SIRPD: variants seen among roughly 807,000 people sequenced by gnomAD.
The protein encoded by SIRPD is signal-regulatory protein delta.
Under a neutral mutation model 18.0 loss-of-function variants are expected in SIRPD, and 21 were observed. That is an observed-to-expected ratio of 1.17 (90% CI 0.83 to 1.68). The LOEUF (loss-of-function observed/expected upper bound fraction) is 1.68, where lower values mean the gene tolerates loss of function less well. Among genes scored for constraint, SIRPD ranks in the 40% most tolerant of loss-of-function variants. The pLI is 0.00. For missense variants in SIRPD, 295 were observed against 238.4 expected (o/e 1.24, Z -1.56); for synonymous variants, 106 against 92.9 (o/e 1.14, Z -0.81).
At chr20:1,549,178 A>C (rs991454108) in intron 2 of SIRPD, among the ~76,000 whole-genome samples, 1 of 151,954 alleles carries the variant, frequency 6.6e-6, no homozygotes, top group African/African-American at 2.4e-5. Flanking sequence ...TAAAATTTCC[A>C]TTTGGTTCTT....
intron 2 of SIRPD, among the ~76,000 whole-genome samples, chr20:1,537,781 C>T (rs1287464083): frequency 1.3e-5 from 2 of 152,286 alleles, no homozygotes; most frequent in South Asian, 2.1e-4. Context: ...CTTCAAAGTA[C>T]GCTTACAGGG....
chr20:1,556,136 C>T (rs2091040390), intron 1 of SIRPD, among the ~76,000 whole-genome samples: 1 of 152,158 alleles, frequency 6.6e-6, no homozygotes, highest in African/African-American at 2.4e-5. Flanking sequence ...ACCTAACATA[C>T]TCAAGGGGGA....
intron 1 of SIRPD, among the ~76,000 whole-genome samples, chr20:1,554,936 C>G (rs769713483): frequency 6.6e-6 from 1 of 152,174 alleles, no homozygotes; most frequent in Admixed American, 6.5e-5. Flanking sequence ...TACTTAATTG[C>G]TCTTGTGTAT....
chr20:1,553,165 CTT>C (rs758658448), intron 1 of SIRPD, among the ~76,000 whole-genome samples: 3 of 152,176 alleles, frequency 2.0e-5, no homozygotes, highest in Non-Finnish European at 2.9e-5. Context: ...GCAAAAAAGA[CTT>C]TGGAGAGATT....
chr20:1,534,592 C>T, intron 3 of SIRPD, 151 bp from the exon 4 acceptor site: 2 of 697,738 alleles, frequency 2.9e-6, no homozygotes, highest in African/African-American at 1.8e-5. Context: ...GGCGCTCCCA[C>T]ATACTGCTGG....
At chr20:1,535,913 T>C (rs1017670689) in intron 3 of SIRPD, among the ~76,000 whole-genome samples, 2 of 152,204 alleles carry the variant, frequency 1.3e-5, no homozygotes. Flanking sequence ...TTCTGTGAAA[T>C]GGGCTTTCCA....
chr20:1,538,293 A>T (rs55723936), intron 2 of SIRPD, among the ~76,000 whole-genome samples: 8,100 of 152,262 alleles, frequency 0.053, 307 homozygotes, highest in Middle Eastern at 0.089. Context: ...CTGTAGCATG[A>T]TGAGTGTCCC....
chr20:1,554,127 C>T (rs566228426), intron 1 of SIRPD: 79 of 152,716 alleles, frequency 5.2e-4, no homozygotes, highest in African/African-American at 1.8e-3. Context: ...AAGTGGCTTC[C>T]ATTGCAACTA....
chr20:1,541,517 C>T (rs902652536), intron 2 of SIRPD, among the ~76,000 whole-genome samples: 2 of 152,062 alleles, frequency 1.3e-5, no homozygotes, highest in African/African-American at 4.8e-5. Flanking sequence ...TGTTCATGTT[C>T]CTTGTAGATT....
intron 2 of SIRPD, among the ~76,000 whole-genome samples, chr20:1,548,722 A>G (rs537559662): frequency 3.3e-5 from 5 of 151,518 alleles, no homozygotes; most frequent in African/African-American, 1.2e-4. Context: ...TGTCTTTTTC[A>G]TCATATAAAC....
At chr20:1,537,086 G>A (rs1489588833) in intron 3 of SIRPD, 69 bp downstream of exon 3, 18 of 1,565,366 alleles carry the variant, frequency 1.1e-5, no homozygotes, top group Admixed American at 1.8e-5. Context: ...TGCAGGTGGC[G>A]AAATGGTACC....
At chr20:1,547,407 G>A (rs2090998192) in intron 2 of SIRPD, among the ~76,000 whole-genome samples, 1 of 152,056 alleles carries the variant, frequency 6.6e-6, no homozygotes, top group Admixed American at 6.6e-5. Context: ...GACTTGTAGT[G>A]AACTTTTATT....
In SIRPD at chr20:1,537,023, G is replaced by C; in HGVS notation, c.577+132C>G. 5.1e-6 allele frequency: 5 copies of C among 971,968 alleles called. No homozygotes were observed. In the South Asian group the frequency reaches 8.1e-5, roughly 16 times the overall value. 60.2% of individuals were successfully genotyped at this position (971,968 alleles called of 1,614,324 possible). A position where few individuals can be genotyped will look rare whatever the true frequency, so the allele number is the denominator to read the frequency against. ...CTATTTAGGGAAGTGTCTTAAAGAGGAAGGGGTGGCAAAGAAAGAGGCCCT... is the reference window on the plus strand; with the variant it reads ...CTATTTAGGGAAGTGTCTTAAAGAGCAAGGGGTGGCAAAGAAAGAGGCCCT... On this transcript the variant is annotated intron_variant, in intron 3 of 3. Coordinates refer to ENST00000381623, the MANE Select transcript of SIRPD (RefSeq NM_178460.3).
chr20:1,547,706 T>C (rs141320372), intron 2 of SIRPD, among the ~76,000 whole-genome samples: 1 of 152,328 alleles, frequency 6.6e-6, no homozygotes, highest in East Asian at 1.9e-4. Flanking sequence ...TGATAAGGAT[T>C]GTGTTGGATC....
intron 2 of SIRPD, among the ~76,000 whole-genome samples, chr20:1,539,478 A>G (rs1268945792): frequency 1.3e-5 from 2 of 152,226 alleles, no homozygotes; most frequent in Non-Finnish European, 2.9e-5. Context: ...GCTCAATTAC[A>G]TCAAATTTGT....
chr20:1,534,789 T>C lies in SIRPD; in HGVS notation c.578-348A>G, dbSNP rs114402324. ...ATTGCTGCTGCTTCTGTGCTGGGTG[T>C]GGTGAGATAATATATTACTGATATT... is the stretch of plus-strand genomic sequence containing the variant. On this transcript the variant is annotated intron_variant, in intron 3 of 3. Transcript: ENST00000381623. Among the ~76,000 whole-genome samples, 1,178 of 152,328 alleles carry C rather than the reference T, an allele frequency of 7.7e-3. 22 individuals are homozygous for C. Among genetic ancestry groups the C allele is most frequent in the African/African-American group, 0.027 (1,142 of 41,570 alleles).
At chr20:1,551,437 T>C (rs896968767) in intron 2 of SIRPD, among the ~76,000 whole-genome samples, 1 of 152,150 alleles carries the variant, frequency 6.6e-6, no homozygotes, top group African/African-American at 2.4e-5. Flanking sequence ...TTGGCTTAGG[T>C]TAGTCATGGG....
intron 1 of SIRPD, 118 bp downstream of exon 1, chr20:1,557,463 C>G: frequency 1.1e-6 from 1 of 875,480 alleles, no homozygotes; most frequent in Non-Finnish European, 1.6e-6. Flanking sequence ...TCTGCCTGTT[C>G]TGGGATAAGA....
chr20:1,542,912 G>C (rs868429106), intron 2 of SIRPD, among the ~76,000 whole-genome samples: 2 of 152,194 alleles, frequency 1.3e-5, no homozygotes, highest in South Asian at 4.1e-4. Flanking sequence ...CATTGGTTCT[G>C]TTTATGTGAT....
Sources: allele counts gnomAD v4.1 joint callset (sites outside exome capture counted in the v4.1 genomes callset), GRCh38; gene constraint gnomAD v4.1.1; transcripts MANE v1.5; gene names NCBI Gene and HGNC (gene_info 2026-07-23, HGNC 2026-07-21).